Variants in TRPM2 observed in about 807,000 individuals in gnomAD.
TRPM2 encodes estrogen-responsive element-associated gene 1 protein.
In TRPM2, 161 loss-of-function variants were observed where a neutral mutation model predicts 174.0. The ratio of observed to expected loss-of-function variants is 0.93; its 90% CI spans 0.81 to 1.05. The LOEUF is 1.05. TRPM2 is among the 50% of genes least tolerant of loss of function. TRPM2 has a pLI of 0.00. For missense variants in TRPM2, 2,057 were observed against 2,038.0 expected (o/e 1.01, Z -0.18); for synonymous variants, 954 against 861.3 (o/e 1.11, Z -1.88).
intron 22 of TRPM2, among the ~76,000 whole-genome samples, chr21:44,421,045 C>T (rs867572285): frequency 6.6e-6 from 1 of 152,116 alleles, no homozygotes; most frequent in African/African-American, 2.4e-5. Context: ...CCAGGCCGGG[C>T]GCGGTGGCTC....
At chr21:44,392,857 A>G (rs1477435279) in intron 11 of TRPM2, among the ~76,000 whole-genome samples, 1 of 152,090 alleles carries the variant, frequency 6.6e-6, no homozygotes, top group Non-Finnish European at 1.5e-5. Context: ...GGTCAGTAAC[A>G]TTCCACCGTA....
At chr21:44,441,631 G>T in intron 31 of TRPM2, 61 bp from the exon 32 acceptor site, 1 of 1,553,424 alleles carries the variant, frequency 6.4e-7, no homozygotes, top group Non-Finnish European at 8.7e-7. Context: ...GCAGTCCGTA[G>T]GGCTCAGCTG....
At position 44,439,160 on chromosome 21, in the gene TRPM2, G is replaced by T. The variant is rs142254503; in HGVS notation, c.4261G>T (p.Gly1421Cys). ...GTCTTTTGAAAACTTGCTGAAGTGCGGCATGGAGGTATTCCTGGCCTGTTT... is the reference window on the plus strand; with the variant it reads ...GTCTTTTGAAAACTTGCTGAAGTGCTGCATGGAGGTATTCCTGGCCTGTTT... The part of the protein sequence containing the change: ...WPSFENLLKC[G>C]MEVYKGYMDD... Residue 1421 changes from glycine (G) to cysteine (C), a missense_variant, in exon 30 of 32, where the codon GGC becomes TGC. Gly to Cys is a radical substitution (Grantham distance 159). Coordinates refer to ENST00000397928, the MANE Select transcript of TRPM2 (RefSeq NM_003307.4). The surrounding 1 kb of genome is among the most constrained non-coding windows in gnomAD (Gnocchi z 5.1). The T allele has an allele frequency of 6.2e-7, 1 of 1,613,374 alleles. No homozygotes were observed. The highest frequency in any genetic ancestry group is 8.5e-7 in the Non-Finnish European group (1 of 1,179,602).
At chr21:44,374,898 C>T (rs1035040699) in intron 5 of TRPM2, among the ~76,000 whole-genome samples, 4 of 152,156 alleles carry the variant, frequency 2.6e-5, no homozygotes, top group Non-Finnish European at 5.9e-5. Flanking sequence ...CTGCCCTGCT[C>T]CTCACTTCCT....
chr21:44,406,120 C>T (rs572070847), intron 18 of TRPM2, 83 bp downstream of exon 18: 180 of 1,543,708 alleles, frequency 1.2e-4, no homozygotes, highest in African/African-American at 1.0e-3. Flanking sequence ...GCCAGTGGCT[C>T]GGACTGGGGC....
chr21:44,363,330 G>A (rs2048270752), intron 2 of TRPM2, among the ~76,000 whole-genome samples: 1 of 152,090 alleles, frequency 6.6e-6, no homozygotes, highest in Non-Finnish European at 1.5e-5. Context: ...AGGTCCCAGA[G>A]GTTTTGTTTA....
chr21:44,357,502 G>A lies in TRPM2; in HGVS notation c.254+2766G>A, dbSNP rs534402546. ...GGGAGAAAGACACAGGCCGAGTCTG[G>A]AGAATCTGAGGGCAGGCTGCTGCGG... On this transcript the variant is annotated intron_variant, in intron 2 of 31. Coordinates refer to ENST00000397928, the MANE Select transcript of TRPM2 (RefSeq NM_003307.4). 2.2e-3 allele frequency among the ~76,000 whole-genome samples: 328 copies of A among 152,332 alleles called. 2 individuals carry two copies. Among genetic ancestry groups the A allele is most frequent in the African/African-American group, 7.6e-3 (316 of 41,580 alleles).
At chr21:44,405,728 G>A (rs2049846606) in intron 17 of TRPM2, among the ~76,000 whole-genome samples, 177 bp from the exon 18 acceptor site, 1 of 152,140 alleles carries the variant, frequency 6.6e-6, no homozygotes, top group African/African-American at 2.4e-5. Flanking sequence ...AAGAAAAGTG[G>A]GAGGCTCTAT....
Position 44,438,935 on chromosome 21 carries a change from C to T in TRPM2, c.4168-132C>T, listed in dbSNP as rs961195959. 1 of 651,264 alleles carries T rather than the reference C, an allele frequency of 1.5e-6. No homozygotes were observed. Among genetic ancestry groups the T allele is most frequent in the Non-Finnish European group, 2.6e-6 (1 of 380,054 alleles). The allele number at this position is 651,264 out of a possible 1,614,324, so 40.3% of individuals were successfully genotyped here. A position where few individuals can be genotyped will look rare whatever the true frequency, so the allele number is the denominator to read the frequency against. On this transcript the variant is annotated intron_variant, in intron 29 of 31. Transcript: ENST00000397928. This position sits in a 1 kb window ranked among gnomAD's most constrained non-coding sequence, Gnocchi z 5.9. The stretch of plus-strand genomic sequence containing the variant: ...GGCAATGTCACTGCAGCCTGAGATG[C>T]CGCCTGCCTGTGGCTCCCAGGGCTG...
At chr21:44,421,249 C>A (rs1047918470) in intron 22 of TRPM2, among the ~76,000 whole-genome samples, 9 of 151,608 alleles carry the variant, frequency 5.9e-5, no homozygotes, top group Non-Finnish European at 1.0e-4. Flanking sequence ...ACCCAGGAGG[C>A]GGAGGTTGCA....
chr21:44,427,066 G>A lies in TRPM2; in HGVS notation c.3929G>A (p.Arg1310His), dbSNP rs559312542. ...QYNVVDGLRD[R>H]RSFHGPYTVQ... ...AACGTGGTGGATGGCCTGAGGGACC[G>A]CCGGAGCTTCCACGGGCCGTACACA... The change falls in exon 27 of 32, where the codon CGC (arginine) becomes CAC (histidine). Residue 1310 changes from arginine (R) to histidine (H), a missense_variant. By Grantham distance (29) the Arg-to-His change is conservative. Coordinates refer to ENST00000397928, the MANE Select transcript of TRPM2 (RefSeq NM_003307.4). The A allele has an allele frequency of 2.7e-5, 44 of 1,607,166 alleles. No homozygotes were observed. Among genetic ancestry groups the A allele is most frequent in the Admixed American group, 2.2e-4 (13 of 59,168 alleles).
intron 15 of TRPM2, 146 bp from the exon 16 acceptor site, chr21:44,401,535 G>A (rs767575268): frequency 7.1e-5 from 56 of 786,150 alleles, no homozygotes; most frequent in Middle Eastern, 3.7e-4. Context: ...TGTAGCTGCC[G>A]TTATGGCCCC....
Position 44,358,360 on chromosome 21 carries a change from G to C in TRPM2, c.254+3624G>C, listed in dbSNP as rs139434027. 3.8e-3 allele frequency among the ~76,000 whole-genome samples: 556 copies of C among 147,380 alleles called. 3 individuals carry two copies. Among genetic ancestry groups the C allele is most frequent in the African/African-American group, 0.014 (538 of 38,436 alleles). ...CTCAGAATTCACGCGCACATGCGGTGGGGGTGGGGAGGCAGGGAGCCCCCC... is the reference window on the plus strand; with the variant it reads ...CTCAGAATTCACGCGCACATGCGGTCGGGGTGGGGAGGCAGGGAGCCCCCC... On this transcript the variant is annotated intron_variant, in intron 2 of 31. Transcript: ENST00000397928.
At chr21:44,368,728 G>A (rs373744757) in intron 4 of TRPM2, among the ~76,000 whole-genome samples, 2 of 152,176 alleles carry the variant, frequency 1.3e-5, no homozygotes, top group African/African-American at 2.4e-5. Context: ...CACCGTGCCC[G>A]GCCGGAGGTG....
chr21:44,405,403 TC>T, intron 17 of TRPM2, 143 bp downstream of exon 17: 1 of 1,294,724 alleles, frequency 7.7e-7, no homozygotes, highest in Non-Finnish European at 1.1e-6. Context: ...CCAATGGGTG[TC>T]CAGGCAACAG....
intron 5 of TRPM2, among the ~76,000 whole-genome samples, chr21:44,374,001 T>TTC (rs971618334): frequency 1.3e-5 from 2 of 151,834 alleles, no homozygotes; most frequent in South Asian, 2.1e-4. Context: ...AGTATATGTA[T>TTC]TCTCTCTCTC....
chr21:44,440,394 A>G (rs1202588719), intron 30 of TRPM2, among the ~76,000 whole-genome samples: 1 of 151,068 alleles, frequency 6.6e-6, no homozygotes, highest in Non-Finnish European at 1.5e-5. Context: ...ATCCGGTTCC[A>G]GAACGTTCCA....
rs375136679 is a variant in TRPM2 at position 44,382,708 on chromosome 21, C to G, written c.1216-10C>G. The G allele has an allele frequency of 3.4e-5, 55 of 1,613,126 alleles. No homozygotes were observed. Among genetic ancestry groups the G allele is most frequent in the Admixed American group, 1.5e-4 (9 of 59,894 alleles). ...CACTGTGTGTCTCACTTAGAAAATGCTTGTTGCAGATCCAAGATATCGTCC... is the reference window on the plus strand; with the variant it reads ...CACTGTGTGTCTCACTTAGAAAATGGTTGTTGCAGATCCAAGATATCGTCC... On this transcript the variant is annotated splice_polypyrimidine_tract_variant and intron_variant, in intron 8 of 31. Transcript: ENST00000397928.
chr21:44,363,975 C>G, intron 2 of TRPM2, 139 bp from the exon 3 acceptor site: 1 of 864,094 alleles, frequency 1.2e-6, no homozygotes, highest in East Asian at 2.7e-5. Context: ...TGCTGCCTCC[C>G]CCATGGCTGG....
Sources: gnomAD v4.1 joint callset for allele counts (sites outside exome capture counted in the v4.1 genomes callset) on GRCh38, gnomAD v4.1.1 for gene constraint, Gnocchi (gnomAD v3.1) non-coding constraint, MANE v1.5 for transcripts, NCBI Gene and HGNC (gene_info 2026-07-23, HGNC 2026-07-21) for gene names.